CNBD1: variants seen among roughly 807,000 people sequenced by gnomAD.
CNBD1 encodes the protein cyclic nucleotide binding domain containing 1.
Under a neutral mutation model 54.4 loss-of-function variants are expected in CNBD1, and 71 were observed. The observed-to-expected ratio is 1.30, with a 90% confidence interval of 1.08 to 1.59. The LOEUF (loss-of-function observed/expected upper bound fraction) is 1.59. CNBD1 is among the 40% of genes most tolerant of loss of function. CNBD1 has a pLI of 0.00. For synonymous variants in CNBD1, 182 were observed against 170.7 expected (o/e 1.07, Z -0.51); for missense variants, 659 against 518.0 (o/e 1.27, Z -2.64).
intron 10 of CNBD1, among the ~76,000 whole-genome samples, chr8:87,357,906 A>G (rs984219024): frequency 4.6e-5 from 7 of 152,134 alleles, no homozygotes; most frequent in Non-Finnish European, 1.0e-4. Context: ...ACTCCTAATA[A>G]AGGGCTTGGC....
In CNBD1 at chr8:87,080,070, C is replaced by G. The variant is rs1464820717; in HGVS notation, c.432-125923C>G. 1.2e-4 allele frequency among the ~76,000 whole-genome samples: 18 copies of G among 152,160 alleles called. No individual in the cohort carries two copies. In the East Asian group the frequency reaches 3.5e-3, roughly 29 times the overall value. On this transcript the variant is annotated intron_variant, in intron 4 of 10. Coordinates refer to ENST00000518476, the MANE Select transcript of CNBD1 (RefSeq NM_173538.3). ...AAAATATTTGTTGAAAACTATTTTC[C>G]TTTCCCTATTAACATTTCTCGTCAT...
At chr8:87,254,411 A>T (rs556424028) in intron 6 of CNBD1, among the ~76,000 whole-genome samples, 135 of 152,334 alleles carry the variant, frequency 8.9e-4, no homozygotes, top group African/African-American at 3.1e-3. Context: ...TTGTGATATA[A>T]TTTTTGTCAT....
At chr8:87,204,366 C>G (rs1813925899) in intron 4 of CNBD1, among the ~76,000 whole-genome samples, 1 of 152,106 alleles carries the variant, frequency 6.6e-6, no homozygotes, top group African/African-American at 2.4e-5. Flanking sequence ...AAAAGGTAGG[C>G]TTGGATGGGA....
chr8:87,033,484 T>C (rs1426253342), intron 4 of CNBD1, among the ~76,000 whole-genome samples: 1 of 152,216 alleles, frequency 6.6e-6, no homozygotes, highest in Non-Finnish European at 1.5e-5. Context: ...GCCTTCTTTT[T>C]GTACAACCAG....
chr8:87,056,523 C>T lies in CNBD1; in HGVS notation c.431+116769C>T, dbSNP rs781205757. Among the ~76,000 whole-genome samples the T allele has an allele frequency of 1.5e-3, 229 of 152,060 alleles. 1 individual carries two copies. The highest frequency in any genetic ancestry group is 2.1e-3 in the Non-Finnish European group (141 of 68,028). On this transcript the variant is annotated intron_variant, in intron 4 of 10. Coordinates refer to ENST00000518476, the MANE Select transcript of CNBD1 (RefSeq NM_173538.3). ...AAGGTGTATATCATCAATATAAATA[C>T]GGGTTATAAACCAACAGTATTTTAA...
intron 5 of CNBD1, among the ~76,000 whole-genome samples, chr8:87,228,675 A>C (rs1460121078): frequency 6.6e-6 from 1 of 151,304 alleles, no homozygotes; most frequent in Non-Finnish European, 1.5e-5. Context: ...AAGTCTGCAG[A>C]AGTTACTGCT....
At chr8:87,382,889 G>A (rs1811110801), downstream of CNBD1, 2 of 353,606 alleles carry the variant, frequency 5.7e-6, no homozygotes, top group African/African-American at 2.1e-5. Flanking sequence ...TTTCTTTCAA[G>A]TGTTTCGGTA....
intron 5 of CNBD1, among the ~76,000 whole-genome samples, chr8:87,235,082 T>C (rs967285118): frequency 3.9e-5 from 6 of 152,340 alleles, no homozygotes; most frequent in Non-Finnish European, 5.9e-5. Flanking sequence ...CAGCTTTTCA[T>C]CTGGAGCTTC....
chr8:87,379,555 A>T (rs901142844), intron 10 of CNBD1, among the ~76,000 whole-genome samples: 7 of 152,030 alleles, frequency 4.6e-5, no homozygotes, highest in African/African-American at 1.4e-4. Context: ...ATTTAAAAAA[A>T]ATCCATGAGA....
At chr8:87,074,948 A>G (rs1810837500) in intron 4 of CNBD1, among the ~76,000 whole-genome samples, 1 of 152,254 alleles carries the variant, frequency 6.6e-6, no homozygotes, top group Admixed American at 6.5e-5. Context: ...GGTTAGAAGC[A>G]GAGATCTTGG....
chr8:87,390,792 A>C (rs554628966), intron 2 of CNBD1, among the ~76,000 whole-genome samples: 1 of 152,078 alleles, frequency 6.6e-6, no homozygotes, highest in Non-Finnish European at 1.5e-5. Context: ...ACATGCACAC[A>C]TATGTTTATT....
intron 4 of CNBD1, among the ~76,000 whole-genome samples, chr8:87,098,801 GC>G (rs1811368295): frequency 6.6e-6 from 1 of 151,254 alleles, no homozygotes; most frequent in Non-Finnish European, 1.5e-5. Context: ...ACTTTGGGAG[GC>G]CGAGGCGGGT....
In CNBD1 at chr8:86,913,826, G is replaced by T. The variant is rs191617263; in HGVS notation, c.272+8632G>T. On this transcript the variant is annotated intron_variant, in intron 3 of 10. Transcript: ENST00000518476. ...TAGCAAGCGTGGGGGTGCTGCAGGA[G>T]ACTAGGGTGTGTTTCATCCCTATCT... 1.9e-3 allele frequency among the ~76,000 whole-genome samples: 286 copies of T among 152,236 alleles called. 3 individuals carry two copies. Among genetic ancestry groups the T allele is most frequent in the Non-Finnish European group, 3.3e-3 (224 of 68,018 alleles).
At chr8:86,918,248 A>C (rs1809218240) in intron 3 of CNBD1, among the ~76,000 whole-genome samples, 1 of 152,262 alleles carries the variant, frequency 6.6e-6, no homozygotes, top group East Asian at 1.9e-4. Context: ...ATTTGTAAAC[A>C]TGCTTTCTTA....
intron 1 of CNBD1, among the ~76,000 whole-genome samples, chr8:86,870,493 G>C (rs1245035531): frequency 6.6e-6 from 1 of 151,846 alleles, no homozygotes. Flanking sequence ...CACCGCGCCT[G>C]GCCAACACGA....
intron 6 of CNBD1, among the ~76,000 whole-genome samples, chr8:87,281,281 G>A (rs1251133503): frequency 2.7e-5 from 4 of 150,782 alleles, no homozygotes; most frequent in Non-Finnish European, 5.9e-5. Context: ...TACTTTCTAT[G>A]GCCATTGAAA....
At chr8:87,110,658 C>G (rs1299192609) in intron 4 of CNBD1, among the ~76,000 whole-genome samples, 1 of 152,240 alleles carries the variant, frequency 6.6e-6, no homozygotes, top group African/African-American at 2.4e-5. Context: ...CATGCCACTT[C>G]TGTTCATCAA....
rs747273903 is a variant in CNBD1, at chr8:87,330,182, T to A, written c.1043-21503T>A. Among the ~76,000 whole-genome samples, 3 of 151,704 alleles carry A rather than the reference T, an allele frequency of 2.0e-5. No homozygotes were observed. The South Asian group carries it at 6.2e-4, about 32-fold the overall frequency. On this transcript the variant is annotated intron_variant, in intron 8 of 10. Coordinates refer to ENST00000518476, the MANE Select transcript of CNBD1 (RefSeq NM_173538.3). ...TTTTTAATGTTCATAAGATCTGTAG[T>A]GATGTCCCCTATTTTATTTCCCATA... is the stretch of plus-strand genomic sequence containing the variant.
intron 4 of CNBD1, among the ~76,000 whole-genome samples, chr8:87,113,908 C>T (rs1586265595): frequency 6.7e-6 from 1 of 149,468 alleles, no homozygotes; most frequent in East Asian, 2.0e-4. Flanking sequence ...GACAGTGAGA[C>T]TCTGTCTCAA....
Sources: gnomAD v4.1 joint callset for allele counts (sites outside exome capture counted in the v4.1 genomes callset) on GRCh38, gnomAD v4.1.1 for gene constraint, MANE v1.5 for transcripts, NCBI Gene and HGNC (gene_info 2026-07-23, HGNC 2026-07-21) for gene names.